Variants in RB1 observed in about 807,000 individuals in gnomAD.
RB1 encodes RB transcriptional corepressor 1, also known as retinoblastoma-associated protein.
Under a neutral mutation model 135.4 loss-of-function variants are expected in RB1, and 18 were observed. The ratio of observed to expected loss-of-function variants is 0.13; its 90% CI spans 0.09 to 0.20. RB1 has a LOEUF of 0.20. RB1 is among the 10% of genes least tolerant of loss of function. The pLI, the probability that RB1 is intolerant of heterozygous loss-of-function variation, is 1.00. For missense variants in RB1, 868 were observed against 1,110.0 expected (o/e 0.78, Z 3.10); for synonymous variants, 365 against 373.2 (o/e 0.98, Z 0.25).
rs1315287197 is a variant in RB1 at position 48,319,694 on chromosome 13, T to G, written c.264+12288T>G. 3.9e-6 allele frequency: 1 copy of G among 254,556 alleles called. No homozygotes were observed. Among genetic ancestry groups the G allele is most frequent in the African/African-American group, 2.3e-5 (1 of 43,530 alleles). The allele number at this position is 254,556 out of a possible 1,614,324, so 15.8% of individuals were successfully genotyped here. A position where few individuals can be genotyped will look rare whatever the true frequency, so the allele number is the denominator to read the frequency against. On this transcript the variant is annotated intron_variant, in intron 2 of 26. Transcript: ENST00000267163. The surrounding 1 kb of genome is among the most constrained non-coding windows in gnomAD (Gnocchi z 5.0). ...CCTTTGCGGCTAGCTCTTCGTGGGA[T>G]TTCAAGAGTGACTTGGTCGAATTTT...
chr13:48,424,385 A>C lies in RB1; in HGVS notation c.1696-28608A>C, dbSNP rs190519132. On this transcript the variant is annotated intron_variant, in intron 17 of 26. Coordinates refer to ENST00000267163, the MANE Select transcript of RB1 (RefSeq NM_000321.3). ...TACCCAAGTTCAAAGAGTTGAACCA[A>C]CTTTTATAGAGTTGGATGGGAGTAG... Among the ~76,000 whole-genome samples, 717 of 152,316 alleles carry C rather than the reference A, an allele frequency of 4.7e-3. 3 individuals are homozygous for C. Among genetic ancestry groups the C allele is most frequent in the African/African-American group, 0.016 (678 of 41,570 alleles).
intron 6 of RB1, among the ~76,000 whole-genome samples, chr13:48,354,142 G>A (rs562247092): frequency 5.7e-4 from 86 of 152,124 alleles, no homozygotes; most frequent in South Asian, 3.5e-3. Context: ...AAGAAGTCAA[G>A]TTATCCTTGT....
At chr13:48,420,306 T>C (rs1194566023) in intron 17 of RB1, among the ~76,000 whole-genome samples, 1 of 152,224 alleles carries the variant, frequency 6.6e-6, no homozygotes, top group African/African-American at 2.4e-5. Flanking sequence ...TGTCAATAGA[T>C]GCAGAAAAGG....
intron 6 of RB1, among the ~76,000 whole-genome samples, chr13:48,351,751 G>A (rs1301650119): frequency 6.6e-6 from 1 of 151,696 alleles, no homozygotes; most frequent in African/African-American, 2.4e-5. Flanking sequence ...TCGGCTCACT[G>A]CAACCTCTGC....
intron 17 of RB1, chr13:48,426,901 C>T (rs1386283637): frequency 6.6e-6 from 1 of 152,320 alleles, no homozygotes; most frequent in Non-Finnish European, 1.5e-5. Context: ...AGCTTCTCCT[C>T]AGCTTCTGGT....
intron 2 of RB1, chr13:48,318,334 T>C: frequency 7.2e-7 from 1 of 1,383,616 alleles, no homozygotes; most frequent in African/African-American, 1.5e-5. Flanking sequence ...CTGACCTTCC[T>C]GCACGCAGCC....
intron 17 of RB1, chr13:48,429,549 C>T (rs1385026091): frequency 2.6e-5 from 4 of 151,674 alleles, no homozygotes. Context: ...CATAAACCCA[C>T]ATTATTGGTG....
At chr13:48,411,811 T>C (rs374244267) in intron 17 of RB1, 1 of 1,612,718 alleles carries the variant, frequency 6.2e-7, no homozygotes, top group Non-Finnish European at 8.5e-7. Context: ...AGCACCATAC[T>C]AGAACAAGTT....
intron 11 of RB1, among the ~76,000 whole-genome samples, chr13:48,372,500 A>C (rs4151519): frequency 6.6e-6 from 1 of 152,166 alleles, no homozygotes; most frequent in South Asian, 2.1e-4. Context: ...TCTACTAAAA[A>C]TACAAAAATT....
chr13:48,380,039 A>T lies in RB1; in HGVS notation c.1390-14A>T, dbSNP rs9535023. The T allele has an allele frequency of 0.055, 67,863 of 1,242,656 alleles. 2,392 individuals are homozygous for T. The highest frequency in any genetic ancestry group is 0.065 in the Non-Finnish European group (59,392 of 918,120). 77.0% of individuals were successfully genotyped at this position (1,242,656 alleles called of 1,614,324 possible). On this transcript the variant is annotated splice_polypyrimidine_tract_variant and intron_variant, in intron 14 of 26. Coordinates refer to ENST00000267163, the MANE Select transcript of RB1 (RefSeq NM_000321.3). ...AAACAACTTCTTTTTTTTTTTTTAA[A>T]TTATCTGTTTCAGGAAGAAGAACGA...
At chr13:48,449,679 G>A (rs1049538035) in intron 17 of RB1, among the ~76,000 whole-genome samples, 16 of 152,102 alleles carry the variant, frequency 1.1e-4, no homozygotes, top group African/African-American at 3.6e-4. Flanking sequence ...AGCCATGATT[G>A]TGCCACTGTG....
chr13:48,458,131 G>A (rs965168347), intron 19 of RB1, among the ~76,000 whole-genome samples: 2 of 152,218 alleles, frequency 1.3e-5, no homozygotes, highest in Non-Finnish European at 2.9e-5. Flanking sequence ...CGGCTCCTCC[G>A]GGCTTCCTGG....
chr13:48,394,174 A>G (rs1167839457), intron 17 of RB1, among the ~76,000 whole-genome samples: 2 of 152,160 alleles, frequency 1.3e-5, no homozygotes, highest in Non-Finnish European at 2.9e-5. Context: ...CCCCTAGCCA[A>G]GGGAAGCTGT....
chr13:48,312,176 A>G (rs1952137102), intron 2 of RB1, among the ~76,000 whole-genome samples: 1 of 152,090 alleles, frequency 6.6e-6, no homozygotes, highest in Admixed American at 6.5e-5. Context: ...CACTCTTTAC[A>G]ATGTGTATCG....
chr13:48,340,912 A>G (rs1226011975), intron 2 of RB1: 1 of 152,802 alleles, frequency 6.5e-6, no homozygotes, highest in Admixed American at 6.5e-5. Flanking sequence ...CATAGTTTCA[A>G]AATCAGATTT....
intron 17 of RB1, among the ~76,000 whole-genome samples, chr13:48,390,044 G>C (rs1311813798): frequency 1.3e-5 from 2 of 152,148 alleles, no homozygotes; most frequent in East Asian, 3.9e-4. Context: ...GTTCTTGGGA[G>C]GCTGAACTGG....
chr13:48,319,549 C>T lies in RB1; in HGVS notation c.264+12143C>T, dbSNP rs538554804. 3.0e-4 allele frequency: 79 copies of T among 260,598 alleles called. No individual in the cohort carries two copies. The highest frequency in any genetic ancestry group is 1.8e-3 in the African/African-American group (76 of 43,424). The allele number at this position is 260,598 out of a possible 1,614,324, so 16.1% of individuals were successfully genotyped here. ...GCTGGCTTCGGGCTGCCCTTGTTCT[C>T]CTGCTTGGTCGTGACCCTGGACTTG... On this transcript the variant is annotated intron_variant, in intron 2 of 26. Coordinates refer to ENST00000267163, the MANE Select transcript of RB1 (RefSeq NM_000321.3). This position sits in a 1 kb window ranked among gnomAD's most constrained non-coding sequence, Gnocchi z 5.0.
Position 48,319,773 on chromosome 13 carries a change from C to A in RB1, c.264+12367C>A. 3.5e-6 allele frequency: 1 copy of A among 286,418 alleles called. No homozygotes were observed. The allele number at this position is 286,418 out of a possible 1,614,324, so 17.7% of individuals were successfully genotyped here. A position where few individuals can be genotyped will look rare whatever the true frequency, so the allele number is the denominator to read the frequency against. On this transcript the variant is annotated intron_variant, in intron 2 of 26. Transcript: ENST00000267163. The surrounding 1 kb of genome is among the most constrained non-coding windows in gnomAD (Gnocchi z 5.0). Reference sequence around the variant, plus strand: ...CCCCATCACATTTTTGGGTCGCATGCTATCTCTTCTCATTCAGAAGCTGTT... The same window carrying A: ...CCCCATCACATTTTTGGGTCGCATGATATCTCTTCTCATTCAGAAGCTGTT...
intron 7 of RB1, 45 bp from the exon 8 acceptor site, chr13:48,362,770 A>G: frequency 1.3e-6 from 2 of 1,571,810 alleles, no homozygotes; most frequent in Non-Finnish European, 1.8e-6. Context: ...ATTATTTTAT[A>G]TGATGGATGT....
Sources: gnomAD v4.1 joint callset for allele counts (sites outside exome capture counted in the v4.1 genomes callset) on GRCh38, gnomAD v4.1.1 for gene constraint, Gnocchi (gnomAD v3.1) non-coding constraint, MANE v1.5 for transcripts, NCBI Gene and HGNC (gene_info 2026-07-23, HGNC 2026-07-21) for gene names.